MACO1: variants seen among roughly 807,000 people sequenced by gnomAD.
The protein encoded by MACO1 is macoilin.
MACO1 carries 14 observed loss-of-function variants against 78.7 expected under a neutral mutation model. That is an observed-to-expected ratio of 0.18 (90% CI 0.12 to 0.28). MACO1 has a LOEUF of 0.28. Ranked by LOEUF, MACO1 falls within the 10% of genes least tolerant of loss-of-function variation. The pLI, the probability that MACO1 is intolerant of heterozygous loss-of-function variation, is 1.00. For synonymous variants in MACO1, 288 were observed against 291.6 expected, an observed-to-expected ratio of 0.99 and a Z score of 0.12; for missense variants, 501 against 799.0, an observed-to-expected ratio of 0.63 and a Z score of 4.50.
At chr1:25,453,341 TTATGTTTC>T (rs1210393180) in intron 3 of MACO1, among the ~76,000 whole-genome samples, 1 of 150,802 alleles carries the variant, frequency 6.6e-6, no homozygotes, top group African/African-American at 2.4e-5. Context: ...CAAGACTCTT[TTATGTTTC>T]TATGGGGTAG....
chr1:25,474,288 A>G (rs1349246675), intron 6 of MACO1, among the ~76,000 whole-genome samples: 3 of 152,056 alleles, frequency 2.0e-5, no homozygotes, highest in Admixed American at 6.6e-5. Flanking sequence ...CAAACAAAAC[A>G]TGTTTATGGG....
chr1:25,487,995 A>G (rs1224826444), intron 8 of MACO1, among the ~76,000 whole-genome samples: 1 of 152,214 alleles, frequency 6.6e-6, no homozygotes, highest in Non-Finnish European at 1.5e-5. Flanking sequence ...TGAAGAAGGT[A>G]GTATGGGTAA....
At chr1:25,495,614 C>G (rs1250364745) in intron 10 of MACO1, among the ~76,000 whole-genome samples, 1 of 152,144 alleles carries the variant, frequency 6.6e-6, no homozygotes, top group Non-Finnish European at 1.5e-5. Flanking sequence ...TAAATCAAAC[C>G]TCTTGTTGCT....
At chr1:25,492,158 A>G (rs2043491622) in intron 10 of MACO1, among the ~76,000 whole-genome samples, 1 of 152,102 alleles carries the variant, frequency 6.6e-6, no homozygotes, top group Non-Finnish European at 1.5e-5. Flanking sequence ...CAAATGAGGG[A>G]GCTGCAGGTG....
At chr1:25,456,867 C>T in intron 5 of MACO1, 36 bp downstream of exon 5, 4 of 1,542,610 alleles carry the variant, frequency 2.6e-6, no homozygotes, top group African/African-American at 1.4e-5. Context: ...GCTCAATAGG[C>T]TAGTCATTAT....
At chr1:25,492,945 G>C (rs564257366) in intron 10 of MACO1, among the ~76,000 whole-genome samples, 1 of 152,316 alleles carries the variant, frequency 6.6e-6, no homozygotes, top group Admixed American at 6.5e-5. Context: ...CAGCTGCTCA[G>C]GAGGCTAGGG....
rs373064828 is a variant in MACO1, at chr1:25,471,470, T to C, written c.1154+12578T>C. 4.6e-5 allele frequency among the ~76,000 whole-genome samples: 7 copies of C among 152,342 alleles called. No homozygotes were observed. The East Asian group carries it at 1.2e-3, about 25-fold the overall frequency. On this transcript the variant is annotated intron_variant, in intron 6 of 10. Transcript: ENST00000374343. ...CCAGAGACATTTACTTTCTGCATTG[T>C]TTATTTCTGCATAGTTTAAGTTTTT...
intron 10 of MACO1, among the ~76,000 whole-genome samples, chr1:25,494,498 G>A (rs559661668): frequency 3.3e-5 from 5 of 152,300 alleles, no homozygotes; most frequent in Non-Finnish European, 7.4e-5. Flanking sequence ...AGCCATACTA[G>A]AGAGGGTATT....
In MACO1 at chr1:25,485,495, G is replaced by T. The variant is rs188258921; in HGVS notation, c.1314-118G>T. On this transcript the variant is annotated intron_variant, in intron 7 of 10. Transcript: ENST00000374343. This position sits in a 1 kb window ranked among gnomAD's most constrained non-coding sequence, Gnocchi z 4.3. Reference sequence around the variant, plus strand: ...AGGCATTCTGGGCATTGACATTTTTGATTTGCTGTTCAAACCTCCTGTTTA... The same window carrying T: ...AGGCATTCTGGGCATTGACATTTTTTATTTGCTGTTCAAACCTCCTGTTTA... 189 of 1,019,848 alleles carry T rather than the reference G, an allele frequency of 1.9e-4. 1 individual carries two copies. The East Asian group carries it at 4.5e-3, about 24-fold the overall frequency. 63.2% of individuals were successfully genotyped at this position (1,019,848 alleles called of 1,614,324 possible). A position where few individuals can be genotyped will look rare whatever the true frequency, so the allele number is the denominator to read the frequency against.
At chr1:25,438,335 G>T (rs965384634) in intron 1 of MACO1, among the ~76,000 whole-genome samples, 2 of 152,206 alleles carry the variant, frequency 1.3e-5, no homozygotes, top group African/African-American at 4.8e-5. Context: ...ATAATTGATA[G>T]TAATAATCTG....
chr1:25,472,798 G>A (rs1336530420), intron 6 of MACO1, among the ~76,000 whole-genome samples: 1 of 152,126 alleles, frequency 6.6e-6, no homozygotes, highest in East Asian at 1.9e-4. Flanking sequence ...ACCCCTCCCT[G>A]AGTGATGGCG....
intron 3 of MACO1, among the ~76,000 whole-genome samples, chr1:25,453,004 A>ATTT (rs1246920699): frequency 1.7e-5 from 2 of 118,208 alleles, no homozygotes; most frequent in East Asian, 2.5e-4. Context: ...CCTACAGTGA[A>ATTT]TTTTTTTTTT....
chr1:25,443,182 G>A (rs74060796), intron 1 of MACO1, among the ~76,000 whole-genome samples: 11,164 of 152,226 alleles, frequency 0.073, 1,339 homozygotes, highest in African/African-American at 0.25. Context: ...ACTGTGATGA[G>A]CAATTAATTT....
intron 6 of MACO1, among the ~76,000 whole-genome samples, chr1:25,462,767 T>C (rs2043182568): frequency 1.7e-5 from 1 of 58,156 alleles, no homozygotes; most frequent in African/African-American, 4.0e-5. Flanking sequence ...CCAATTAAGG[T>C]TTGATGGCTA....
intron 5 of MACO1, among the ~76,000 whole-genome samples, chr1:25,457,665 C>T (rs1264829452): frequency 6.6e-6 from 1 of 152,088 alleles, no homozygotes; most frequent in Non-Finnish European, 1.5e-5. Context: ...GGCATTTGAC[C>T]AATAGAAATA....
chr1:25,473,177 A>T (rs2043289386), intron 6 of MACO1, among the ~76,000 whole-genome samples: 1 of 129,462 alleles, frequency 7.7e-6, no homozygotes, highest in Non-Finnish European at 1.7e-5. Flanking sequence ...TATTTTCTAT[A>T]CCTATAGTTT....
Position 25,458,412 on chromosome 1 carries a change from T to A in MACO1, c.674T>A (p.Met225Lys). ...AEEAAKGLPD[M>K]DSSILIHHNG... ...GTAGCAGCCAAAGGATTACCTGATA[T>A]GGATTCTTCGATCCTTATACACCAC... Residue 225 changes from methionine (M) to lysine (K), a missense_variant, in exon 6 of 11, where the codon ATG becomes AAG. By Grantham distance (95) the Met-to-Lys change is moderately conservative. Transcript: ENST00000374343. The A allele has an allele frequency of 6.3e-7, 1 of 1,595,930 alleles. No homozygotes were observed. Among genetic ancestry groups the A allele is most frequent in the South Asian group, 1.1e-5 (1 of 88,030 alleles).
Position 25,431,681 on chromosome 1 carries a change from A to G in MACO1, c.80+503A>G, listed in dbSNP as rs1314127823. Among the ~76,000 whole-genome samples the G allele has an allele frequency of 2.0e-5, 3 of 152,100 alleles. No homozygotes were observed. In the East Asian group the frequency reaches 5.8e-4, roughly 29 times the overall value. On this transcript the variant is annotated intron_variant, in intron 1 of 10. Coordinates refer to ENST00000374343, the MANE Select transcript of MACO1 (RefSeq NM_018202.6). Reference sequence around the variant, plus strand: ...CCCACTGTGGCCCCTCGTTCCCCCAAGCTGCCAGCATACTGGCCTGGGGCC... The same window carrying G: ...CCCACTGTGGCCCCTCGTTCCCCCAGGCTGCCAGCATACTGGCCTGGGGCC...
At chr1:25,481,269 C>T (rs1173035665) in intron 6 of MACO1, among the ~76,000 whole-genome samples, 1 of 152,120 alleles carries the variant, frequency 6.6e-6, no homozygotes, top group Non-Finnish European at 1.5e-5. Context: ...TGTGCATCTG[C>T]ATATGATGCA....
Sources: gnomAD v4.1 joint callset for allele counts (sites outside exome capture counted in the v4.1 genomes callset) on GRCh38, gnomAD v4.1.1 for gene constraint, Gnocchi (gnomAD v3.1) non-coding constraint, MANE v1.5 for transcripts, NCBI Gene and HGNC (gene_info 2026-07-23, HGNC 2026-07-21) for gene names.